The following STOML2 variants were observed in gnomAD, a reference collection of about 807,000 sequenced individuals.
The protein encoded by STOML2 is stomatin like 2.
Under a neutral mutation model 45.7 loss-of-function variants are expected in STOML2, and 22 were observed. That is an observed-to-expected ratio of 0.48 (90% CI 0.34 to 0.69). The LOEUF (loss-of-function observed/expected upper bound fraction) is 0.69, where lower values mean the gene tolerates loss of function less well. Among genes scored for constraint, STOML2 ranks in the 30% least tolerant of loss-of-function variants. STOML2 has a pLI of 0.01. For missense variants in STOML2, 359 were observed against 466.9 expected (o/e 0.77, Z 2.13); for synonymous variants, 181 against 182.7 (o/e 0.99, Z 0.08).
At position 35,099,894 on chromosome 9, in the gene STOML2, C is replaced by G; in HGVS notation, c.*141G>C. 1.0e-6 allele frequency: 1 copy of G among 979,474 alleles called. No individual in the cohort carries two copies. The highest frequency in any genetic ancestry group is 1.5e-6 in the Non-Finnish European group (1 of 666,122). 60.7% of individuals were successfully genotyped at this position (979,474 alleles called of 1,614,324 possible). A position where few individuals can be genotyped will look rare whatever the true frequency, so the allele number is the denominator to read the frequency against. On this transcript the variant is annotated 3_prime_UTR_variant, in exon 10 of 10. Coordinates refer to ENST00000356493, the MANE Select transcript of STOML2 (RefSeq NM_013442.3). ...ATTCCCCAATCAAAGAGGACAGTTTCTGGTTTGCCACTGGTGAGTTTATTA... is the reference window on the plus strand; with the variant it reads ...ATTCCCCAATCAAAGAGGACAGTTTGTGGTTTGCCACTGGTGAGTTTATTA...
At position 35,101,077 on chromosome 9, in the gene STOML2, G is replaced by A. The variant is rs1348165410; in HGVS notation, c.724+58C>T. The stretch of plus-strand genomic sequence containing the variant: ...AAAGTACCCCAAAGATCCTGCCCCA[G>A]CACCAATCTTCAAAGGCCCATGCCT... On this transcript the variant is annotated intron_variant, in intron 7 of 9. Transcript: ENST00000356493. The surrounding 1 kb of genome is among the most constrained non-coding windows in gnomAD (Gnocchi z 4.3). The A allele has an allele frequency of 1.9e-6, 3 of 1,612,752 alleles. No homozygotes were observed. In the African/African-American group the frequency reaches 4.0e-5, roughly 22 times the overall value.
At position 35,101,122 on chromosome 9, in the gene STOML2, A is replaced by C. The variant is rs1829806836; in HGVS notation, c.724+13T>G. The C allele has an allele frequency of 6.2e-7, 1 of 1,613,850 alleles. No homozygotes were observed. The highest frequency in any genetic ancestry group is 1.3e-5 in the African/African-American group (1 of 74,842). ...ATGCCTTGCTCCTCCCTCAGCCTCTACCCTCTCCTGACCTGCTGCCTGATT... is the reference window on the plus strand; with the variant it reads ...ATGCCTTGCTCCTCCCTCAGCCTCTCCCCTCTCCTGACCTGCTGCCTGATT... On this transcript the variant is annotated intron_variant, in intron 7 of 9. Coordinates refer to ENST00000356493, the MANE Select transcript of STOML2 (RefSeq NM_013442.3). The surrounding 1 kb of genome is among the most constrained non-coding windows in gnomAD (Gnocchi z 4.3).
In STOML2 at chr9:35,102,869, C is replaced by A; in HGVS notation, c.46-46G>T. The A allele has an allele frequency of 6.2e-7, 1 of 1,600,868 alleles. No individual in the cohort carries two copies. Among genetic ancestry groups the A allele is most frequent in the Non-Finnish European group, 8.5e-7 (1 of 1,172,678 alleles). ...AGCAGAGATCCCATCTGGCCAGACA[C>A]GCCGCCCCTCGGTCCTGAAGGCATC... is the stretch of plus-strand genomic sequence containing the variant. On this transcript the variant is annotated intron_variant, in intron 1 of 9. Transcript: ENST00000356493. This position sits in a 1 kb window ranked among gnomAD's most constrained non-coding sequence, Gnocchi z 4.8.
Position 35,102,938 on chromosome 9 carries a change from G to C in STOML2, c.45+112C>G. On this transcript the variant is annotated intron_variant, in intron 1 of 9. Coordinates refer to ENST00000356493, the MANE Select transcript of STOML2 (RefSeq NM_013442.3). This position sits in a 1 kb window ranked among gnomAD's most constrained non-coding sequence, Gnocchi z 4.8. ...CAGGATCCTCGGAGAATCACATGGG[G>C]ACCATGACCTCTGACCCCAGTCCTC... The C allele has an allele frequency of 6.3e-7, 1 of 1,579,858 alleles. No individual in the cohort carries two copies. Among genetic ancestry groups the C allele is most frequent in the East Asian group, 2.3e-5 (1 of 44,416 alleles).
chr9:35,103,103 G>T lies in STOML2; in HGVS notation c.-9C>A. 2 of 1,612,980 alleles carry T rather than the reference G, an allele frequency of 1.2e-6. No individual in the cohort carries two copies. Among genetic ancestry groups the T allele is most frequent in the Non-Finnish European group, 1.7e-6 (2 of 1,179,896 alleles). ...GCCGCGCGCGCCAGCATTTCCCACC[G>T]CCGCAGCGACCTCCGGAACCAACGA... On this transcript the variant is annotated 5_prime_UTR_variant, in exon 1 of 10. Coordinates refer to ENST00000356493, the MANE Select transcript of STOML2 (RefSeq NM_013442.3).
At position 35,101,001 on chromosome 9, in the gene STOML2, A is replaced by G. The variant is rs1308350622; in HGVS notation, c.735T>C (p.Ser245=). 1 of 1,614,098 alleles carries G rather than the reference A, an allele frequency of 6.2e-7. No homozygotes were observed. The highest frequency in any genetic ancestry group is 1.7e-5 in the Admixed American group (1 of 60,022). ...TAGCCTTGGCCTTCGCCAGAACTGC[A>G]CTGGCCTCTCCTGCAAGAGAAGGGA... ...EQINQAAGEA[S]AVLAKAKAKA... The change falls in exon 8 of 10, where the codon AGT becomes AGC. Residue 245 remains serine (S), a synonymous_variant. Coordinates refer to ENST00000356493, the MANE Select transcript of STOML2 (RefSeq NM_013442.3). This position sits in a 1 kb window ranked among gnomAD's most constrained non-coding sequence, Gnocchi z 4.3.
chr9:35,100,206 C>T (rs764416066), intron 9 of STOML2, 34 bp from the exon 10 acceptor site: 2 of 1,609,540 alleles, frequency 1.2e-6, no homozygotes, highest in South Asian at 1.1e-5. Context: ...ACCATGAGGA[C>T]ACTTGACAGA....
chr9:35,100,755 G>A (rs925425875), intron 8 of STOML2, 29 bp from the exon 9 acceptor site: 2 of 1,613,898 alleles, frequency 1.2e-6, no homozygotes, highest in Non-Finnish European at 1.7e-6. Context: ...AAAAATCAGA[G>A]ATCACCGATA....
chr9:35,102,893 T>C lies in STOML2; in HGVS notation c.46-70A>G. The C allele has an allele frequency of 6.3e-7, 1 of 1,589,858 alleles. No homozygotes were observed. Among genetic ancestry groups the C allele is most frequent in the Non-Finnish European group, 8.6e-7 (1 of 1,166,608 alleles). On this transcript the variant is annotated intron_variant, in intron 1 of 9. Coordinates refer to ENST00000356493, the MANE Select transcript of STOML2 (RefSeq NM_013442.3). This position sits in a 1 kb window ranked among gnomAD's most constrained non-coding sequence, Gnocchi z 4.8. ...ACGCCGCCCCTCGGTCCTGAAGGCATCTCCATAAACCACGACCCTCAGGAT... is the reference window on the plus strand; with the variant it reads ...ACGCCGCCCCTCGGTCCTGAAGGCACCTCCATAAACCACGACCCTCAGGAT...
Position 35,101,066 on chromosome 9 carries a change from A to T in STOML2, c.725-55T>A. On this transcript the variant is annotated intron_variant, in intron 7 of 9. Transcript: ENST00000356493. This position sits in a 1 kb window ranked among gnomAD's most constrained non-coding sequence, Gnocchi z 4.3. ...CCCATGAAGTCAAAGTACCCCAAAG[A>T]TCCTGCCCCAGCACCAATCTTCAAA... 1 of 1,612,364 alleles carries T rather than the reference A, an allele frequency of 6.2e-7. No individual in the cohort carries two copies. The highest frequency in any genetic ancestry group is 8.5e-7 in the Non-Finnish European group (1 of 1,178,702).
Position 35,100,805 on chromosome 9 carries a change from C to A in STOML2, c.805-79G>T, listed in dbSNP as rs886509702. On this transcript the variant is annotated intron_variant, in intron 8 of 9. Transcript: ENST00000356493. ...GGGATGGGGAATGAAGAAAGCAGTT[C>A]ACAATAAAAAGGACCATGTAATCTG... The A allele has an allele frequency of 5.0e-6, 8 of 1,612,354 alleles. No homozygotes were observed. In the Admixed American group the frequency reaches 1.2e-4, roughly 24 times the overall value.
rs1160901014 is a variant in STOML2 at position 35,099,975 on chromosome 9, A to G, written c.*60T>C. 2 of 1,571,072 alleles carry G rather than the reference A, an allele frequency of 1.3e-6. No individual in the cohort carries two copies. Among genetic ancestry groups the G allele is most frequent in the East Asian group, 2.3e-5 (1 of 44,286 alleles). On this transcript the variant is annotated 3_prime_UTR_variant, in exon 10 of 10. Coordinates refer to ENST00000356493, the MANE Select transcript of STOML2 (RefSeq NM_013442.3). ...ACCAAAATCTTGGCAGGGAAGCTAG[A>G]GCCAGAATCAGGAAAATCTGCTTCC...
rs1829855566 is a variant in STOML2, at chr9:35,102,922, C to T, written c.46-99G>A. 1 of 1,572,586 alleles carries T rather than the reference C, an allele frequency of 6.4e-7. No individual in the cohort carries two copies. Among genetic ancestry groups the T allele is most frequent in the Non-Finnish European group, 8.6e-7 (1 of 1,157,162 alleles). On this transcript the variant is annotated intron_variant, in intron 1 of 9. Coordinates refer to ENST00000356493, the MANE Select transcript of STOML2 (RefSeq NM_013442.3). The surrounding 1 kb of genome is among the most constrained non-coding windows in gnomAD (Gnocchi z 4.8). Reference sequence around the variant, plus strand: ...CATAAACCACGACCCTCAGGATCCTCGGAGAATCACATGGGGACCATGACC... The same window carrying T: ...CATAAACCACGACCCTCAGGATCCTTGGAGAATCACATGGGGACCATGACC...
chr9:35,102,264 G>T lies in STOML2; in HGVS notation c.184-70C>A. 7.5e-7 allele frequency: 1 copy of T among 1,338,444 alleles called. No individual in the cohort carries two copies. 82.9% of individuals were successfully genotyped at this position (1,338,444 alleles called of 1,614,324 possible). A position where few individuals can be genotyped will look rare whatever the true frequency, so the allele number is the denominator to read the frequency against. On this transcript the variant is annotated intron_variant, in intron 2 of 9. Transcript: ENST00000356493. The surrounding 1 kb of genome is among the most constrained non-coding windows in gnomAD (Gnocchi z 4.8). ...GGTTGGGACCTAAGCTAGTCCTGGA[G>T]TATGTAGGGAGTCAACACATGGAAC...
In STOML2 at chr9:35,101,501, CCAGCAGT is replaced by C; in HGVS notation, c.497_503del (p.Asp166GlyfsTer19). On this transcript the variant is annotated frameshift_variant, in exon 6 of 10. Transcript: ENST00000356493. LOFTEE classifies it high-confidence loss of function. The surrounding 1 kb of genome is among the most constrained non-coding windows in gnomAD (Gnocchi z 4.3). ...TCTCATAACGGAGGCAGCGGATACC[CCAGCAGT>C]CAGCAGCTTGGTTGATGGCATCCAC... The C allele has an allele frequency of 6.2e-7, 1 of 1,614,120 alleles. No homozygotes were observed. The highest frequency in any genetic ancestry group is 8.5e-7 in the Non-Finnish European group (1 of 1,180,028).
rs664357 is a variant in STOML2 at position 35,100,005 on chromosome 9, T to G, written c.*30A>C. The G allele has an allele frequency of 1.2e-6, 2 of 1,603,174 alleles. No homozygotes were observed. Among genetic ancestry groups the G allele is most frequent in the African/African-American group, 1.3e-5 (1 of 74,688 alleles). ...GAATCAGGAAAATCTGCTTCCTTGT[T>G]CCCAGACTCCCTGGCCAAGCCCAGC... On this transcript the variant is annotated 3_prime_UTR_variant, in exon 10 of 10. Coordinates refer to ENST00000356493, the MANE Select transcript of STOML2 (RefSeq NM_013442.3).
At position 35,100,017 on chromosome 9, in the gene STOML2, T is replaced by C. The variant is rs371405832; in HGVS notation, c.*18A>G. On this transcript the variant is annotated 3_prime_UTR_variant, in exon 10 of 10. Transcript: ENST00000356493. The stretch of plus-strand genomic sequence containing the variant: ...TCTGCTTCCTTGTTCCCAGACTCCC[T>C]GGCCAAGCCCAGCTCCACTAACTCA... The C allele has an allele frequency of 1.9e-6, 3 of 1,609,548 alleles. No homozygotes were observed. In the African/African-American group the frequency reaches 4.0e-5, roughly 21 times the overall value.
intron 9 of STOML2, 142 bp downstream of exon 9, chr9:35,100,456 C>A (rs1829792223): frequency 1.7e-6 from 2 of 1,173,576 alleles, no homozygotes; most frequent in Non-Finnish European, 2.4e-6. Context: ...TCTTAGATTC[C>A]ATCTCTACAA....
At position 35,100,709 on chromosome 9, in the gene STOML2, AGCT is replaced by A; in HGVS notation, c.819_821del (p.Ala274del). On this transcript the variant is annotated inframe_deletion, in exon 9 of 10. Coordinates refer to ENST00000356493, the MANE Select transcript of STOML2 (RefSeq NM_013442.3). Reference sequence around the variant, plus strand: ...CATACTGCTCGGCCACAGTCAGTGAAGCTGCTGCATCTCCATTCTGTGATCACA... The same window carrying A: ...CATACTGCTCGGCCACAGTCAGTGAAGCTGCATCTCCATTCTGTGATCACA... 1 of 1,614,182 alleles carries A rather than the reference AGCT, an allele frequency of 6.2e-7. No homozygotes were observed. The highest frequency in any genetic ancestry group is 8.5e-7 in the Non-Finnish European group (1 of 1,180,038).
Sources: gnomAD v4.1 joint callset for allele counts on GRCh38, gnomAD v4.1.1 for gene constraint, Gnocchi (gnomAD v3.1) non-coding constraint, MANE v1.5 for transcripts, NCBI Gene and HGNC (gene_info 2026-07-23, HGNC 2026-07-21) for gene names.